COBL: variants seen among roughly 807,000 people sequenced by gnomAD.
The protein encoded by COBL is cordon-bleu WH2 repeat protein.
In COBL, 51 loss-of-function variants were observed where a neutral mutation model predicts 98.8. The observed-to-expected ratio is 0.52, with a 90% CI of 0.41 to 0.65. The LOEUF is 0.65. COBL is among the 30% of genes least tolerant of loss of function. COBL has a pLI of 0.00. For synonymous variants in COBL, 634 were observed against 651.7 expected, an observed-to-expected ratio of 0.97 and a Z score of 0.41; for missense variants, 1,617 against 1,617.5, an observed-to-expected ratio of 1.00 and a Z score of 0.01.
chr7:51,184,001 T>C lies in COBL; in HGVS notation c.783+101A>G, dbSNP rs1584089683. 1.3e-5 allele frequency: 7 copies of C among 558,074 alleles called. No individual in the cohort carries two copies. In the East Asian group the frequency reaches 1.3e-4, roughly 10 times the overall value. The allele number at this position is 558,074 out of a possible 1,614,324, so 34.6% of individuals were successfully genotyped here. On this transcript the variant is annotated intron_variant, in intron 5 of 12. Transcript: ENST00000265136. ...ACCTGAAGGAATTAGTATTCTTAAA[T>C]AGAATTGTTTAGAAAAGTTCCAGGA...
intron 6 of COBL, among the ~76,000 whole-genome samples, chr7:51,097,525 T>C (rs978167736): frequency 6.6e-5 from 10 of 152,222 alleles, no homozygotes; most frequent in African/African-American, 2.4e-4. Flanking sequence ...CTTTTGCATA[T>C]ACATGATTTT....
intron 6 of COBL, among the ~76,000 whole-genome samples, chr7:51,088,007 G>A (rs1386022623): frequency 6.6e-6 from 1 of 152,040 alleles, no homozygotes; most frequent in Non-Finnish European, 1.5e-5. Flanking sequence ...GTTTGGAACT[G>A]TTCAGCTGAG....
chr7:51,176,160 T>C (rs903949759), intron 5 of COBL, among the ~76,000 whole-genome samples: 2 of 152,178 alleles, frequency 1.3e-5, no homozygotes, highest in African/African-American at 2.4e-5. Flanking sequence ...GTGTTGCACC[T>C]CTTTGGAGAT....
chr7:51,264,999 C>T (rs536403617), intron 1 of COBL, among the ~76,000 whole-genome samples: 4 of 152,158 alleles, frequency 2.6e-5, no homozygotes, highest in Non-Finnish European at 5.9e-5. Context: ...AGGCCTCTGG[C>T]CCTCAGTAGG....
intron 1 of COBL, among the ~76,000 whole-genome samples, chr7:51,282,212 C>T (rs1210091330): frequency 6.6e-6 from 1 of 151,994 alleles, no homozygotes; most frequent in African/African-American, 2.4e-5. Flanking sequence ...GGCCATTATC[C>T]TTCATTTATG....
intron 2 of COBL, among the ~76,000 whole-genome samples, chr7:51,197,958 T>C (rs1278811750): frequency 6.6e-6 from 1 of 152,194 alleles, no homozygotes; most frequent in Admixed American, 6.5e-5. Flanking sequence ...GGGTCTTGGT[T>C]CTTTATCCAG....
At chr7:51,055,547 C>T (rs193258644) in intron 7 of COBL, among the ~76,000 whole-genome samples, 25 of 152,276 alleles carry the variant, frequency 1.6e-4, no homozygotes, top group Middle Eastern at 3.4e-3. Context: ...GCACTTGGCC[C>T]GTGTCAGAAC....
chr7:51,191,173 G>C (rs1311817902), intron 3 of COBL, 95 bp from the exon 4 acceptor site: 5 of 1,050,992 alleles, frequency 4.8e-6, no homozygotes, highest in Non-Finnish European at 5.7e-6. Flanking sequence ...TGGCAGGATT[G>C]TGTGTAGCCT....
intron 2 of COBL, among the ~76,000 whole-genome samples, chr7:51,207,579 GCCA>G (rs1437857767): frequency 6.6e-6 from 1 of 152,160 alleles, no homozygotes; most frequent in Non-Finnish European, 1.5e-5. Context: ...GCAGGCAAGC[GCCA>G]CCACACCTGA....
chr7:51,131,503 A>G (rs1269511274), intron 6 of COBL, among the ~76,000 whole-genome samples: 1 of 152,236 alleles, frequency 6.6e-6, no homozygotes, highest in Non-Finnish European at 1.5e-5. Flanking sequence ...GAAAGATGCC[A>G]GCAAGAATAA....
chr7:51,255,741 AG>A lies in COBL; in HGVS notation c.42-35798del, dbSNP rs1490417449. Among the ~76,000 whole-genome samples, 5 of 152,322 alleles carry A rather than the reference AG, an allele frequency of 3.3e-5. No homozygotes were observed. The East Asian group carries it at 7.7e-4, about 24-fold the overall frequency. Reference sequence around the variant, plus strand: ...ATGAATCACGGGGCTGCAGTGAGCCAGGCACTCAGTGGTGTCACCTCAGGAG... The same window carrying A: ...ATGAATCACGGGGCTGCAGTGAGCCAGCACTCAGTGGTGTCACCTCAGGAG... On this transcript the variant is annotated intron_variant, in intron 1 of 12. Transcript: ENST00000265136.
intron 1 of COBL, among the ~76,000 whole-genome samples, chr7:51,278,260 A>G (rs1371700814): frequency 6.6e-6 from 1 of 152,128 alleles, no homozygotes; most frequent in Non-Finnish European, 1.5e-5. Flanking sequence ...AGCCGTCCCA[A>G]GGAAGAGCAT....
intron 1 of COBL, among the ~76,000 whole-genome samples, chr7:51,300,663 G>A (rs1268583023): frequency 6.6e-6 from 1 of 152,150 alleles, no homozygotes; most frequent in Non-Finnish European, 1.5e-5. Flanking sequence ...TGTACTCGTG[G>A]GTAAAATGGG....
At chr7:51,178,191 T>C (rs1788596387) in intron 5 of COBL, among the ~76,000 whole-genome samples, 1 of 152,078 alleles carries the variant, frequency 6.6e-6, no homozygotes, top group African/African-American at 2.4e-5. Context: ...TATATATATA[T>C]ATATACATGT....
chr7:51,019,403 G>C (rs565707281), intron 12 of COBL, among the ~76,000 whole-genome samples: 1 of 152,280 alleles, frequency 6.6e-6, no homozygotes, highest in East Asian at 1.9e-4. Context: ...AACTGCTAGA[G>C]AAATTAGAGC....
chr7:51,295,664 A>C (rs1801357044), intron 1 of COBL, among the ~76,000 whole-genome samples: 1 of 152,208 alleles, frequency 6.6e-6, no homozygotes, highest in Non-Finnish European at 1.5e-5. Flanking sequence ...TTCTGTGTTA[A>C]CTGTTCTGTG....
intron 2 of COBL, among the ~76,000 whole-genome samples, chr7:51,219,160 C>T (rs748942974): frequency 8.5e-5 from 13 of 152,204 alleles, no homozygotes; most frequent in Non-Finnish European, 1.3e-4. Flanking sequence ...CACTCAGCCA[C>T]GGGCAGATCA....
At chr7:51,025,519 G>A in intron 11 of COBL, 147 bp from the exon 12 acceptor site, 1 of 767,066 alleles carries the variant, frequency 1.3e-6, no homozygotes, top group South Asian at 1.8e-5. Flanking sequence ...AATGGGATTA[G>A]TGCTCTTATA....
intron 2 of COBL, among the ~76,000 whole-genome samples, chr7:51,217,041 A>G (rs547327959): frequency 6.6e-6 from 1 of 152,354 alleles, no homozygotes; most frequent in African/African-American, 2.4e-5. Flanking sequence ...AGCTGCTGCT[A>G]TAACTCACTG....
Sources: allele counts gnomAD v4.1 joint callset (sites outside exome capture counted in the v4.1 genomes callset), GRCh38; gene constraint gnomAD v4.1.1; transcripts MANE v1.5; gene names NCBI Gene and HGNC (gene_info 2026-07-23, HGNC 2026-07-21).